LOXL2: variants seen among roughly 807,000 people sequenced by gnomAD.
LOXL2 encodes the protein lysyl oxidase like 2.
In LOXL2, 70 loss-of-function variants were observed where a neutral mutation model predicts 93.0. The observed-to-expected ratio is 0.75, with a 90% confidence interval of 0.62 to 0.92. The LOEUF (loss-of-function observed/expected upper bound fraction) is 0.92, where lower values mean the gene tolerates loss of function less well. Among genes scored for constraint, LOXL2 ranks in the 40% least tolerant of loss-of-function variants. The pLI is 0.00. For synonymous variants in LOXL2, 438 were observed against 413.2 expected, an observed-to-expected ratio of 1.06 and a Z score of -0.73; for missense variants, 973 against 1,054.9, an observed-to-expected ratio of 0.92 and a Z score of 1.08.
intron 6 of LOXL2, among the ~76,000 whole-genome samples, chr8:23,326,760 G>A (rs1172795108): frequency 6.6e-6 from 1 of 152,120 alleles, no homozygotes; most frequent in African/African-American, 2.4e-5. Flanking sequence ...AAAAGATCCA[G>A]GGGATCCTGT....
rs1204879895 is a variant in LOXL2, at chr8:23,383,646, G to GTTTT, written c.-83-15216_-83-15213dup. On this transcript the variant is annotated intron_variant, in intron 1 of 13. Coordinates refer to ENST00000389131, the MANE Select transcript of LOXL2 (RefSeq NM_002318.3). ...GTTATTTCTAAGAGGGCACTTTTACGTTTTTTTTTTGTTTTTTTTTTTTTT... is the reference window on the plus strand; with the variant it reads ...GTTATTTCTAAGAGGGCACTTTTACGTTTTTTTTTTTTTTGTTTTTTTTTTTTTT... Among the ~76,000 whole-genome samples, 4 of 117,636 alleles carry GTTTT rather than the reference G, an allele frequency of 3.4e-5. 1 individual carries two copies. Among genetic ancestry groups the GTTTT allele is most frequent in the African/African-American group, 3.5e-5 (1 of 28,676 alleles). 77.2% of individuals were successfully genotyped at this position (117,636 alleles called of 152,430 possible). A position where few individuals can be genotyped will look rare whatever the true frequency, so the allele number is the denominator to read the frequency against.
intron 5 of LOXL2, among the ~76,000 whole-genome samples, chr8:23,330,887 T>C (rs577309436): frequency 2.0e-5 from 3 of 151,958 alleles, no homozygotes; most frequent in African/African-American, 7.2e-5. Flanking sequence ...ACACATATGA[T>C]GGTGTGGTCC....
chr8:23,362,559 C>T (rs1488296163), intron 2 of LOXL2, among the ~76,000 whole-genome samples: 2 of 152,090 alleles, frequency 1.3e-5, no homozygotes, highest in African/African-American at 4.8e-5. Context: ...ATAGCGAGGC[C>T]TCATCTCTAC....
intron 5 of LOXL2, among the ~76,000 whole-genome samples, chr8:23,330,244 G>A (rs1222512480): frequency 6.6e-6 from 1 of 152,222 alleles, no homozygotes; most frequent in Non-Finnish European, 1.5e-5. Context: ...TGAGGCAGGA[G>A]AATGGCGTGA....
chr8:23,329,919 C>T (rs1803644058), intron 5 of LOXL2, among the ~76,000 whole-genome samples: 2 of 152,158 alleles, frequency 1.3e-5, no homozygotes, highest in African/African-American at 4.8e-5. Flanking sequence ...GGTGCTGGGA[C>T]AGCACCCAGA....
intron 1 of LOXL2, among the ~76,000 whole-genome samples, chr8:23,380,187 GATCGAGACC>G (rs372684487): frequency 0.011 from 1,738 of 152,256 alleles, 18 homozygotes; most frequent in African/African-American, 0.04. Flanking sequence ...GAGGTCAAGA[GATCGAGACC>G]ATCCTGGCCA....
intron 1 of LOXL2, among the ~76,000 whole-genome samples, chr8:23,369,300 T>C (rs1235688787): frequency 1.3e-5 from 2 of 152,124 alleles, no homozygotes; most frequent in Non-Finnish European, 2.9e-5. Context: ...AGTGAAATCA[T>C]GTAGCAAGAG....
chr8:23,368,310 A>T lies in LOXL2; in HGVS notation c.42T>A (p.Ala14=). The change falls in exon 2 of 14, where the codon GCT becomes GCA. Residue 14 remains alanine, a synonymous_variant. Coordinates refer to ENST00000389131, the MANE Select transcript of LOXL2 (RefSeq NM_002318.3). The part of the protein sequence containing the change: ...PLCSHLCSCL[A]MLALLSPLSL... ...TCAGGGGGGACAGGAGGGCCAGCAT[A>T]GCCAGGCAGCTGCAGAGGTGGGAGC... 1.2e-6 allele frequency: 2 copies of T among 1,613,130 alleles called. No individual in the cohort carries two copies. Among genetic ancestry groups the T allele is most frequent in the Non-Finnish European group, 1.7e-6 (2 of 1,180,012 alleles).
At chr8:23,326,011 G>A (rs2117163756) in intron 6 of LOXL2, among the ~76,000 whole-genome samples, 1 of 152,352 alleles carries the variant, frequency 6.6e-6, no homozygotes, top group Non-Finnish European at 1.5e-5. Context: ...CAGGGAGGAG[G>A]ACTCAGATTG....
chr8:23,333,255 G>C (rs2294130), intron 5 of LOXL2, 146 bp downstream of exon 5: 19 of 695,770 alleles, frequency 2.7e-5, no homozygotes, highest in East Asian at 2.4e-4. Context: ...TGCAGAGGGC[G>C]CTCAGGTCTC....
intron 1 of LOXL2, among the ~76,000 whole-genome samples, chr8:23,399,973 A>AT (rs1800135956): frequency 6.6e-6 from 1 of 152,188 alleles, no homozygotes; most frequent in Non-Finnish European, 1.5e-5. Context: ...CTAACTGGCT[A>AT]TTTTATGGAA....
At chr8:23,301,940 CT>C in intron 12 of LOXL2, 86 bp downstream of exon 12, 1 of 1,531,482 alleles carries the variant, frequency 6.5e-7, no homozygotes, top group Non-Finnish European at 9.0e-7. Context: ...TTCCATGCCC[CT>C]GTGTGGACAC....
At chr8:23,357,834 C>T (rs903757610) in intron 3 of LOXL2, among the ~76,000 whole-genome samples, 4 of 152,158 alleles carry the variant, frequency 2.6e-5, no homozygotes, top group Non-Finnish European at 5.9e-5. Flanking sequence ...CTTCCATGTG[C>T]TTCTCATTGC....
chr8:23,356,993 T>TG (rs1290908469), intron 3 of LOXL2, among the ~76,000 whole-genome samples: 1 of 152,080 alleles, frequency 6.6e-6, no homozygotes, highest in African/African-American at 2.4e-5. Context: ...AGAATAAAGG[T>TG]GGGGCTAAGC....
chr8:23,298,829 G>T lies in LOXL2; in HGVS notation c.2245+7C>A. The T allele has an allele frequency of 6.3e-7, 1 of 1,590,330 alleles. No individual in the cohort carries two copies. The highest frequency in any genetic ancestry group is 8.6e-7 in the Non-Finnish European group (1 of 1,158,752). The stretch of plus-strand genomic sequence containing the variant: ...TGCTTCCTGGAGTGGGGGCGGCCTG[G>T]CCTTACCTATGTGGCAGTTGTACAT... On this transcript the variant is annotated splice_region_variant and intron_variant, in intron 13 of 13. Coordinates refer to ENST00000389131, the MANE Select transcript of LOXL2 (RefSeq NM_002318.3).
intron 12 of LOXL2, among the ~76,000 whole-genome samples, chr8:23,299,676 T>C (rs1373006160): frequency 6.6e-6 from 1 of 151,920 alleles, no homozygotes; most frequent in Non-Finnish European, 1.5e-5. Context: ...ACAACAGTGG[T>C]GAACAGAGGG....
At chr8:23,367,109 C>T (rs1474025647) in intron 2 of LOXL2, among the ~76,000 whole-genome samples, 9 of 152,108 alleles carry the variant, frequency 5.9e-5, no homozygotes, top group South Asian at 4.1e-4. Flanking sequence ...AGTGCAGTGG[C>T]GCGATCACGG....
chr8:23,390,902 C>T (rs1008223304), intron 1 of LOXL2, among the ~76,000 whole-genome samples: 5 of 152,034 alleles, frequency 3.3e-5, no homozygotes, highest in Non-Finnish European at 7.4e-5. Flanking sequence ...ACTGACAGTT[C>T]CATGAGGCTG....
At chr8:23,323,728 C>G (rs4515555) in intron 6 of LOXL2, among the ~76,000 whole-genome samples, 109,713 of 151,038 alleles carry the variant, frequency 0.73, 40,052 homozygotes, top group Non-Finnish European at 0.76. Context: ...GTGGGACGAA[C>G]TCTTGCTCTG....
Sources: gnomAD v4.1 joint callset for allele counts (sites outside exome capture counted in the v4.1 genomes callset) on GRCh38, gnomAD v4.1.1 for gene constraint, MANE v1.5 for transcripts, NCBI Gene and HGNC (gene_info 2026-07-23, HGNC 2026-07-21) for gene names.